DENND5B: variants seen among roughly 807,000 people sequenced by gnomAD.
DENND5B encodes DENN domain containing 5B.
DENND5B carries 34 observed loss-of-function variants against 140.6 expected under a neutral mutation model. That is an observed-to-expected ratio of 0.24 (90% CI 0.18 to 0.32). The LOEUF (loss-of-function observed/expected upper bound fraction) is 0.32, where lower values mean the gene tolerates loss of function less well. DENND5B is among the 10% of genes least tolerant of loss of function. The probability of loss-of-function intolerance (pLI) is 1.00; values close to 1 mark genes in which losing one functional copy is unlikely to be tolerated. For synonymous variants in DENND5B, 551 were observed against 562.1 expected, an observed-to-expected ratio of 0.98 and a Z score of 0.28; for missense variants, 1,142 against 1,560.2, an observed-to-expected ratio of 0.73 and a Z score of 4.52.
chr12:31,433,857 A>C (rs953224363), intron 7 of DENND5B, among the ~76,000 whole-genome samples: 1 of 152,118 alleles, frequency 6.6e-6, no homozygotes, highest in Non-Finnish European at 1.5e-5. Context: ...TCTCTACAAA[A>C]AATTTAAAAA....
intron 4 of DENND5B, among the ~76,000 whole-genome samples, chr12:31,457,994 G>A (rs1417317821): frequency 1.3e-5 from 2 of 152,040 alleles, no homozygotes; most frequent in African/African-American, 4.8e-5. Context: ...GATTACAGGC[G>A]TGAGCCACCA....
chr12:31,493,784 T>C (rs1020092366), intron 2 of DENND5B, among the ~76,000 whole-genome samples: 3 of 152,160 alleles, frequency 2.0e-5, no homozygotes, highest in South Asian at 2.1e-4. Context: ...TGAGCCAAGA[T>C]TGTGCCACTG....
intron 15 of DENND5B, among the ~76,000 whole-genome samples, chr12:31,400,737 A>T (rs576030347): frequency 2.6e-5 from 4 of 152,304 alleles, no homozygotes; most frequent in Middle Eastern, 3.4e-3. Flanking sequence ...TAGTTATTTT[A>T]AAATGTACAG....
intron 3 of DENND5B, among the ~76,000 whole-genome samples, 165 bp from the exon 4 acceptor site, chr12:31,460,546 G>C (rs1042604312): frequency 1.3e-5 from 2 of 152,116 alleles, no homozygotes; most frequent in Non-Finnish European, 2.9e-5. Flanking sequence ...TATAATTAAA[G>C]AATTAAATGG....
chr12:31,444,669 T>C (rs763938184), intron 6 of DENND5B, among the ~76,000 whole-genome samples: 4 of 152,232 alleles, frequency 2.6e-5, no homozygotes, highest in Admixed American at 1.3e-4. Flanking sequence ...AATTAAGGTA[T>C]TGGTGCTTAG....
rs566884830 is a variant in DENND5B at position 31,409,532 on chromosome 12, G to A, written c.2682-148C>T. 21 of 914,532 alleles carry A rather than the reference G, an allele frequency of 2.3e-5. No individual in the cohort carries two copies. In the South Asian group the frequency reaches 5.0e-4, roughly 22 times the overall value. 56.7% of individuals were successfully genotyped at this position (914,532 alleles called of 1,614,324 possible). A position where few individuals can be genotyped will look rare whatever the true frequency, so the allele number is the denominator to read the frequency against. ...TCTCTCTTGTTGCCCAGGCTGGAGT[G>A]CAATGGTGCAATCTCAGCTCACTGC... On this transcript the variant is annotated intron_variant, in intron 13 of 20. Coordinates refer to ENST00000389082, the MANE Select transcript of DENND5B (RefSeq NM_144973.4).
intron 12 of DENND5B, 120 bp from the exon 13 acceptor site, chr12:31,413,684 A>G: frequency 9.2e-7 from 1 of 1,082,476 alleles, no homozygotes; most frequent in South Asian, 2.5e-5. Flanking sequence ...GCAATGGATA[A>G]TATACAATTG....
chr12:31,384,690 T>C lies in DENND5B; in HGVS notation c.*2913A>G, dbSNP rs566807528. The C allele has an allele frequency of 3.9e-5, 6 of 152,294 alleles. No homozygotes were observed. In the Middle Eastern group the frequency reaches 0.014, roughly 345 times the overall value. 9.4% of individuals were successfully genotyped at this position (152,294 alleles called of 1,614,324 possible). The stretch of plus-strand genomic sequence containing the variant: ...AGGCATGAAGATGAAACTTCAGGTG[T>C]AACTTTTTTGGGGGTATTACTTTTT... On this transcript the variant is annotated 3_prime_UTR_variant, in exon 21 of 21. Coordinates refer to ENST00000389082, the MANE Select transcript of DENND5B (RefSeq NM_144973.4).
At chr12:31,541,256 A>G (rs1230879966) in intron 1 of DENND5B, among the ~76,000 whole-genome samples, 1 of 152,100 alleles carries the variant, frequency 6.6e-6, no homozygotes. Context: ...GAAACTATCA[A>G]CAAGAGACAA....
intron 2 of DENND5B, among the ~76,000 whole-genome samples, chr12:31,491,782 C>A (rs1316175557): frequency 6.6e-6 from 1 of 152,118 alleles, no homozygotes; most frequent in Non-Finnish European, 1.5e-5. Context: ...ATTTTATTTG[C>A]ACTGTACTCA....
intron 3 of DENND5B, among the ~76,000 whole-genome samples, chr12:31,472,427 G>A (rs915287085): frequency 6.6e-6 from 1 of 152,120 alleles, no homozygotes; most frequent in African/African-American, 2.4e-5. Flanking sequence ...AAGTAGCTGG[G>A]ATTACAGGGG....
At chr12:31,418,872 C>T (rs915424453) in intron 11 of DENND5B, among the ~76,000 whole-genome samples, 23 of 152,086 alleles carry the variant, frequency 1.5e-4, no homozygotes, top group Admixed American at 3.3e-4. Flanking sequence ...ACGCCTGGCT[C>T]AAGGAATCCT....
chr12:31,418,064 G>A (rs991379836), intron 11 of DENND5B, among the ~76,000 whole-genome samples: 1 of 152,158 alleles, frequency 6.6e-6, no homozygotes, highest in Non-Finnish European at 1.5e-5. Context: ...GGAAGAGGTT[G>A]TGGCCAGTCC....
chr12:31,387,651 G>C lies in DENND5B; in HGVS notation c.3777C>G (p.Asp1259Glu), dbSNP rs1019923911. ...SLIRILQTIQ[D>E]FTIVLEGSLI... ...GTGATCCTTCTAGGACTATGGTGAA[G>C]TCCTGAATGGTCTGCAGAATTCGGA... The change falls in exon 21 of 21, where the codon GAC becomes GAG. Residue 1259 changes from aspartate (D) to glutamate (E), a missense_variant. Coordinates refer to ENST00000389082, the MANE Select transcript of DENND5B (RefSeq NM_144973.4). 2 of 1,614,060 alleles carry C rather than the reference G, an allele frequency of 1.2e-6. No homozygotes were observed. Among genetic ancestry groups the C allele is most frequent in the Non-Finnish European group, 1.7e-6 (2 of 1,179,910 alleles).
In DENND5B at chr12:31,447,646, A is replaced by G; in HGVS notation, c.1753T>C (p.Leu585=). 6.2e-7 allele frequency: 1 copy of G among 1,613,932 alleles called. No individual in the cohort carries two copies. Among genetic ancestry groups the G allele is most frequent in the Non-Finnish European group, 8.5e-7 (1 of 1,179,866 alleles). ...ATCCGAGTGTCAAAGACCCGAAGCAAAGGATCTTTCTCTTCCCACTGAGAC... is the reference window on the plus strand; with the variant it reads ...ATCCGAGTGTCAAAGACCCGAAGCAGAGGATCTTTCTCTTCCCACTGAGAC... ...IMSQWEEKDP[L]LRVFDTRIDK... The change falls in exon 6 of 21, where the codon TTG becomes CTG. Residue 585 remains leucine, a synonymous_variant. Transcript: ENST00000389082.
At chr12:31,432,433 C>T (rs548966532) in intron 8 of DENND5B, 2 of 152,158 alleles carry the variant, frequency 1.3e-5, no homozygotes, top group South Asian at 4.2e-4. Flanking sequence ...AAACAGTTAA[C>T]AAGTCTTCTG....
At position 31,389,460 on chromosome 12, in the gene DENND5B, G is replaced by C; in HGVS notation, c.3505C>G (p.Leu1169Val). 6.2e-7 allele frequency: 1 copy of C among 1,600,678 alleles called. No homozygotes were observed. The highest frequency in any genetic ancestry group is 8.5e-7 in the Non-Finnish European group (1 of 1,173,102). ...ATAAGGACATCATCTTCATTATCTA[G>C]AATCTGGTCAGTTGTTTCAAAATAA... ...VAYFETTDQI[L>V]DNEDDVLIQK... Residue 1169 changes from leucine (L) to valine (V), a missense_variant, in exon 20 of 21, where the codon CTA becomes GTA. Physicochemically the swap from Leu to Val is conservative, Grantham distance 32. Coordinates refer to ENST00000389082, the MANE Select transcript of DENND5B (RefSeq NM_144973.4).
intron 1 of DENND5B, among the ~76,000 whole-genome samples, chr12:31,549,024 TA>T (rs1412369126): frequency 6.6e-6 from 1 of 152,118 alleles, no homozygotes; most frequent in Non-Finnish European, 1.5e-5. Flanking sequence ...GCCTCCTGGG[TA>T]GCTCGGGGTA....
intron 1 of DENND5B, among the ~76,000 whole-genome samples, chr12:31,543,090 C>G (rs1194786619): frequency 2.0e-5 from 3 of 152,104 alleles, no homozygotes; most frequent in African/African-American, 4.8e-5. Context: ...TCCCAACTAC[C>G]TGGGAGGCTC....
Sources: allele counts gnomAD v4.1 joint callset (sites outside exome capture counted in the v4.1 genomes callset), GRCh38; gene constraint gnomAD v4.1.1; transcripts MANE v1.5; gene names NCBI Gene and HGNC (gene_info 2026-07-23, HGNC 2026-07-21).